ETV6: variants seen among roughly 807,000 people sequenced by gnomAD.
ETV6 encodes the protein ETS variant transcription factor 6.
In ETV6, 16 loss-of-function variants were observed where a neutral mutation model predicts 51.1. The ratio of observed to expected loss-of-function variants is 0.31; its 90% confidence interval spans 0.21 to 0.48. The LOEUF is 0.48. ETV6 is among the 20% of genes least tolerant of loss of function. ETV6 has a pLI of 0.99. For synonymous variants in ETV6, 240 were observed against 224.1 expected, an observed-to-expected ratio of 1.07 and a Z score of -0.64; for missense variants, 458 against 594.8, an observed-to-expected ratio of 0.77 and a Z score of 2.39.
intron 2 of ETV6, among the ~76,000 whole-genome samples, chr12:11,767,224 C>G (rs528992980): frequency 6.6e-6 from 1 of 152,348 alleles, no homozygotes; most frequent in African/African-American, 2.4e-5. Context: ...CTCCCAGCCT[C>G]AGTTTCCTTA....
chr12:11,879,517 TCTC>T, intron 5 of ETV6, among the ~76,000 whole-genome samples: 1 of 152,222 alleles, frequency 6.6e-6, no homozygotes, highest in Non-Finnish European at 1.5e-5. Flanking sequence ...TGAAAATATT[TCTC>T]CTTAACCACA....
At chr12:11,868,058 G>A (rs143671578) in intron 4 of ETV6, among the ~76,000 whole-genome samples, 2 of 152,304 alleles carry the variant, frequency 1.3e-5, no homozygotes, top group East Asian at 3.9e-4. Flanking sequence ...TGAGTTAGAG[G>A]TGTCCATCCA....
chr12:11,703,425 G>C (rs2120847849), intron 1 of ETV6, among the ~76,000 whole-genome samples: 1 of 151,984 alleles, frequency 6.6e-6, no homozygotes, highest in East Asian at 1.9e-4. Context: ...CAAAGGAAAG[G>C]TTAGAGAAAT....
intron 1 of ETV6, among the ~76,000 whole-genome samples, chr12:11,742,043 T>G (rs60129927): frequency 6.6e-6 from 1 of 152,360 alleles, no homozygotes; most frequent in East Asian, 1.9e-4. Context: ...TAGCTGATCT[T>G]GAGTGCATAT....
chr12:11,814,382 T>C (rs1945961360), intron 2 of ETV6, among the ~76,000 whole-genome samples: 1 of 152,114 alleles, frequency 6.6e-6, no homozygotes, highest in Non-Finnish European at 1.5e-5. Flanking sequence ...ATACTTTGGG[T>C]TCAAACTACA....
chr12:11,851,450 T>C (rs1946553004), intron 3 of ETV6, among the ~76,000 whole-genome samples: 1 of 152,182 alleles, frequency 6.6e-6, no homozygotes, highest in Admixed American at 6.5e-5. Context: ...ATCATTAAAA[T>C]AGGACTGTAT....
rs1555139020 is a variant in ETV6, at chr12:11,827,113, A to AC, written c.164-12027_164-12026insC. Among the ~76,000 whole-genome samples the AC allele has an allele frequency of 3.5e-4, 41 of 117,152 alleles. 1 individual carries two copies. Among genetic ancestry groups the AC allele is most frequent in the Middle Eastern group, 4.2e-3 (1 of 240 alleles). The allele number at this position is 117,152 out of a possible 152,430, so 76.9% of individuals were successfully genotyped here. Reference sequence around the variant, plus strand: ...ACACACACACACACACACACACACAAATGCAACACAATTATCTTTAAATAG... The same window carrying AC: ...ACACACACACACACACACACACACAACATGCAACACAATTATCTTTAAATAG... On this transcript the variant is annotated intron_variant, in intron 2 of 7. Coordinates refer to ENST00000396373, the MANE Select transcript of ETV6 (RefSeq NM_001987.5).
At chr12:11,765,901 G>C (rs1237220231) in intron 2 of ETV6, among the ~76,000 whole-genome samples, 2 of 152,210 alleles carry the variant, frequency 1.3e-5, no homozygotes, top group Non-Finnish European at 2.9e-5. Flanking sequence ...ACCTTGTGCT[G>C]AGACTGTCCT....
At chr12:11,872,607 C>T (rs560425049) in intron 5 of ETV6, among the ~76,000 whole-genome samples, 4 of 151,528 alleles carry the variant, frequency 2.6e-5, no homozygotes, top group Non-Finnish European at 5.9e-5. Context: ...GATTCTCGTG[C>T]CTCAGCCTCC....
intron 1 of ETV6, among the ~76,000 whole-genome samples, chr12:11,741,810 A>T (rs943199908): frequency 6.6e-6 from 1 of 152,236 alleles, no homozygotes; most frequent in Non-Finnish European, 1.5e-5. Context: ...CCTTTAACAT[A>T]TGTCTTGATT....
intron 3 of ETV6, chr12:11,840,834 A>G (rs1317206105): frequency 8.5e-6 from 2 of 236,242 alleles, no homozygotes; most frequent in African/African-American, 2.2e-5. Flanking sequence ...AGAAAACTAT[A>G]AAACAACCAT....
At chr12:11,884,305 G>C in intron 5 of ETV6, 140 bp from the exon 6 acceptor site, 1 of 951,956 alleles carries the variant, frequency 1.1e-6, no homozygotes, top group African/African-American at 1.6e-5. Flanking sequence ...GTTTCTTCCC[G>C]GTAAAACAAG....
Position 11,893,647 on chromosome 12 carries a change from C to T in ETV6, c.*2601C>T, listed in dbSNP as rs1015652330. 2.2e-5 allele frequency: 5 copies of T among 230,752 alleles called. No homozygotes were observed. Among genetic ancestry groups the T allele is most frequent in the Admixed American group, 5.7e-5 (1 of 17,680 alleles). The allele number at this position is 230,752 out of a possible 1,614,324, so 14.3% of individuals were successfully genotyped here. A position where few individuals can be genotyped will look rare whatever the true frequency, so the allele number is the denominator to read the frequency against. ...CACACCTAACAAACACATTTGCTTTCTTATGGTTCAATGTACACAAACTGT... is the reference window on the plus strand; with the variant it reads ...CACACCTAACAAACACATTTGCTTTTTTATGGTTCAATGTACACAAACTGT... On this transcript the variant is annotated 3_prime_UTR_variant, in exon 8 of 8. Coordinates refer to ENST00000396373, the MANE Select transcript of ETV6 (RefSeq NM_001987.5).
chr12:11,814,929 C>T (rs1049415391), intron 2 of ETV6, among the ~76,000 whole-genome samples: 4 of 152,152 alleles, frequency 2.6e-5, no homozygotes, highest in African/African-American at 9.7e-5. Flanking sequence ...GGTACAGGGG[C>T]AGGGTCTGGG....
chr12:11,717,608 T>C (rs1382952482), intron 1 of ETV6, among the ~76,000 whole-genome samples: 3 of 152,226 alleles, frequency 2.0e-5, no homozygotes, highest in South Asian at 2.1e-4. Flanking sequence ...CTCGACCTCA[T>C]GCGCCTGCAA....
chr12:11,788,847 C>T (rs1454761678), intron 2 of ETV6, among the ~76,000 whole-genome samples: 1 of 151,526 alleles, frequency 6.6e-6, no homozygotes. Flanking sequence ...CTACCCCAAC[C>T]CCTCCCATAG....
chr12:11,747,406 G>A (rs750042625), intron 1 of ETV6, among the ~76,000 whole-genome samples: 12 of 151,988 alleles, frequency 7.9e-5, no homozygotes, highest in Non-Finnish European at 1.5e-4. Context: ...TAACTCTCTG[G>A]ATGAAAAGAA....
At chr12:11,789,617 G>A (rs140192222) in intron 2 of ETV6, among the ~76,000 whole-genome samples, 73 of 152,214 alleles carry the variant, frequency 4.8e-4, no homozygotes, top group African/African-American at 1.7e-3. Flanking sequence ...TTGAGACCTT[G>A]CGTGTCTGAA....
chr12:11,881,166 G>A (rs536591548), intron 5 of ETV6, among the ~76,000 whole-genome samples: 4 of 152,026 alleles, frequency 2.6e-5, no homozygotes, highest in Non-Finnish European at 4.4e-5. Flanking sequence ...TTGAACTCCC[G>A]GACTTTCAAG....
Sources: allele counts gnomAD v4.1 joint callset (sites outside exome capture counted in the v4.1 genomes callset), GRCh38; gene constraint gnomAD v4.1.1; transcripts MANE v1.5; gene names NCBI Gene and HGNC (gene_info 2026-07-23, HGNC 2026-07-21).